The following TTC39A variants were observed in gnomAD, a reference collection of about 807,000 sequenced individuals.
TTC39A encodes the protein tetratricopeptide repeat protein 39A.
Under a neutral mutation model 82.3 loss-of-function variants are expected in TTC39A, and 46 were observed. That is an observed-to-expected ratio of 0.56 (90% CI 0.44 to 0.71). The LOEUF (loss-of-function observed/expected upper bound fraction) is 0.71, where lower values mean the gene tolerates loss of function less well. Ranked by LOEUF, TTC39A falls within the 30% of genes least tolerant of loss-of-function variation. The pLI, the probability that TTC39A is intolerant of heterozygous loss-of-function variation, is 0.00. For missense variants in TTC39A, 543 were observed against 712.9 expected, an observed-to-expected ratio of 0.76 and a Z score of 2.71; for synonymous variants, 254 against 275.2, an observed-to-expected ratio of 0.92 and a Z score of 0.76.
In TTC39A at chr1:51,294,623, C is replaced by G. The variant is rs983285673; in HGVS notation, c.1146-112G>C. The G allele has an allele frequency of 1.1e-5, 17 of 1,481,366 alleles. No homozygotes were observed. In the African/African-American group the frequency reaches 2.4e-4, roughly 20 times the overall value. The allele number at this position is 1,481,366 out of a possible 1,614,324, so 91.8% of individuals were successfully genotyped here. On this transcript the variant is annotated intron_variant, in intron 13 of 17. Transcript: ENST00000680483. The surrounding 1 kb of genome is among the most constrained non-coding windows in gnomAD (Gnocchi z 4.3). ...CCTCTCTGGGCCTCAGTTTCCCCATCTGCACAATGACAGTGTTAGACTCTA... is the reference window on the plus strand; with the variant it reads ...CCTCTCTGGGCCTCAGTTTCCCCATGTGCACAATGACAGTGTTAGACTCTA...
At chr1:51,289,910 G>T in intron 16 of TTC39A, 95 bp downstream of exon 16, 1 of 1,010,996 alleles carries the variant, frequency 9.9e-7, no homozygotes, top group South Asian at 1.7e-5. Context: ...GGGTTGGCTA[G>T]GGTCAGCCAC....
intron 9 of TTC39A, 32 bp from the exon 10 acceptor site, chr1:51,302,605 T>C (rs1463383602): frequency 3.8e-6 from 6 of 1,576,904 alleles, no homozygotes; most frequent in African/African-American, 2.7e-5. Flanking sequence ...ACACAGAACA[T>C]GTCACCACCC....
At chr1:51,331,740 T>C (rs2148315394), upstream of TTC39A, 2 of 985,440 alleles carry the variant, frequency 2.0e-6, no homozygotes, top group Non-Finnish European at 2.4e-6. Context: ...GAGTCTCATA[T>C]ACAGGCACGA....
At chr1:51,314,575 G>A (rs1645212716) in intron 2 of TTC39A, among the ~76,000 whole-genome samples, 1 of 152,168 alleles carries the variant, frequency 6.6e-6, no homozygotes. Flanking sequence ...GATCCTTGAG[G>A]GTCAAAGGAA....
At chr1:51,293,807 G>A (rs914496650) in intron 14 of TTC39A, among the ~76,000 whole-genome samples, 1 of 152,214 alleles carries the variant, frequency 6.6e-6, no homozygotes, top group Non-Finnish European at 1.5e-5. Context: ...CTCACCAGCT[G>A]TGTGACCTGG....
At chr1:51,306,443 T>A (rs1644871483) in intron 6 of TTC39A, among the ~76,000 whole-genome samples, 1 of 152,214 alleles carries the variant, frequency 6.6e-6, no homozygotes, top group South Asian at 2.1e-4. Context: ...TTGTAGGATG[T>A]TTAGCAGCAT....
rs775045724 is a variant in TTC39A at position 51,305,073 on chromosome 1, G to A, written c.654+8C>T. On this transcript the variant is annotated splice_region_variant and intron_variant, in intron 8 of 17. Coordinates refer to ENST00000680483, the MANE Select transcript of TTC39A (RefSeq NM_001297663.2). ...GCAGGTCAGGGGTGCTAGGAGGCAG[G>A]TGGTTACCTTGTTTCCTGAAAACCC... is the stretch of plus-strand genomic sequence containing the variant. 5 of 1,613,240 alleles carry A rather than the reference G, an allele frequency of 3.1e-6. No individual in the cohort carries two copies. The highest frequency in any genetic ancestry group is 1.1e-5 in the South Asian group (1 of 91,052).
intron 1 of TTC39A, among the ~76,000 whole-genome samples, chr1:51,338,206 G>T (rs1645997343): frequency 6.6e-6 from 1 of 152,156 alleles, no homozygotes; most frequent in African/African-American, 2.4e-5. Flanking sequence ...AGCCATTTCT[G>T]GGGGAGGCAG....
chr1:51,328,555 A>G (rs1394977659), intron 1 of TTC39A, among the ~76,000 whole-genome samples: 4 of 152,252 alleles, frequency 2.6e-5, no homozygotes, highest in Non-Finnish European at 5.9e-5. Context: ...CACACTGAGT[A>G]AAAGAATAAA....
chr1:51,306,003 T>G lies in TTC39A; in HGVS notation c.562A>C (p.Lys188Gln). 2 of 1,613,988 alleles carry G rather than the reference T, an allele frequency of 1.2e-6. No individual in the cohort carries two copies. Among genetic ancestry groups the G allele is most frequent in the African/African-American group, 2.7e-5 (2 of 75,042 alleles). ...ENHPHFEGGV[K>Q]LGVGAFNLTL... ...AGGTTGAAGGCCCCTACACCAAGCTTCACTCCTCCTTCAAAGTGCGGGTGG... is the reference window on the plus strand; with the variant it reads ...AGGTTGAAGGCCCCTACACCAAGCTGCACTCCTCCTTCAAAGTGCGGGTGG... The change falls in exon 7 of 18, where the codon AAG (lysine) becomes CAG (glutamine). Residue 188 changes from lysine (K) to glutamine (Q), a missense_variant. Transcript: ENST00000680483.
chr1:51,341,140 C>T (rs901393142), intron 1 of TTC39A, among the ~76,000 whole-genome samples: 4 of 152,124 alleles, frequency 2.6e-5, no homozygotes, highest in Admixed American at 2.0e-4. Flanking sequence ...CCAGCCTGGG[C>T]GACAAGAGTG....
At chr1:51,319,852 G>A (rs1031911021) in intron 2 of TTC39A, among the ~76,000 whole-genome samples, 6 of 151,740 alleles carry the variant, frequency 4.0e-5, no homozygotes, top group Non-Finnish European at 8.8e-5. Flanking sequence ...CACCATGCCC[G>A]GCTAATTTTT....
In TTC39A at chr1:51,311,106, T is replaced by G. The variant is rs762987088; in HGVS notation, c.423+148A>C. ...CTTTGAGCCCCGCCAGGGGCAGGAG[T>G]GTGAAGGATGGGACACGATTGCTAC... On this transcript the variant is annotated intron_variant, in intron 5 of 17. Coordinates refer to ENST00000680483, the MANE Select transcript of TTC39A (RefSeq NM_001297663.2). 5 of 708,246 alleles carry G rather than the reference T, an allele frequency of 7.1e-6. No individual in the cohort carries two copies. In the East Asian group the frequency reaches 8.8e-5, roughly 12 times the overall value. The allele number at this position is 708,246 out of a possible 1,614,324, so 43.9% of individuals were successfully genotyped here.
intron 13 of TTC39A, among the ~76,000 whole-genome samples, chr1:51,295,309 T>C (rs921781461): frequency 1.3e-5 from 2 of 152,288 alleles, no homozygotes; most frequent in Non-Finnish European, 2.9e-5. Flanking sequence ...CTGTAAGTGA[T>C]AAATGCCCTA....
At chr1:51,337,458 A>C (rs1292503574) in intron 1 of TTC39A, among the ~76,000 whole-genome samples, 6 of 128,044 alleles carry the variant, frequency 4.7e-5, no homozygotes, top group South Asian at 2.4e-4. Context: ...ATGGAGTCTC[A>C]CTCTGTCACC....
At chr1:51,301,334 G>A (rs1644648269) in intron 12 of TTC39A, 1 of 487,182 alleles carries the variant, frequency 2.1e-6, no homozygotes, top group Non-Finnish European at 3.6e-6. Context: ...CAGTTCTACT[G>A]GACAGAGGGA....
rs536044329 is a variant in TTC39A, at chr1:51,319,200, T to C, written c.146+2521A>G. ...AGATGTTATAGGGAAAAAAGAACATTCAGAGAATAAAGAATACCAGGAAAT... is the reference window on the plus strand; with the variant it reads ...AGATGTTATAGGGAAAAAAGAACATCCAGAGAATAAAGAATACCAGGAAAT... On this transcript the variant is annotated intron_variant, in intron 2 of 17. Coordinates refer to ENST00000680483, the MANE Select transcript of TTC39A (RefSeq NM_001297663.2). Among the ~76,000 whole-genome samples, 20 of 152,046 alleles carry C rather than the reference T, an allele frequency of 1.3e-4. No homozygotes were observed. The South Asian group carries it at 4.2e-3, about 32-fold the overall frequency.
At chr1:51,334,167 TG>T (rs1297817823), upstream of TTC39A, among the ~76,000 whole-genome samples, 1 of 124,180 alleles carries the variant, frequency 8.1e-6, no homozygotes, top group Non-Finnish European at 1.6e-5. Flanking sequence ...GAGACCAGCC[TG>T]GGCAACATGG....
chr1:51,290,651 C>T (rs754058987), intron 14 of TTC39A, 26 bp from the exon 15 acceptor site: 2 of 1,594,696 alleles, frequency 1.3e-6, no homozygotes, highest in Admixed American at 3.5e-5. Flanking sequence ...CAAGTCAGTC[C>T]TAGGTTTCTT....
Sources: gnomAD v4.1 joint callset for allele counts (sites outside exome capture counted in the v4.1 genomes callset) on GRCh38, gnomAD v4.1.1 for gene constraint, Gnocchi (gnomAD v3.1) non-coding constraint, MANE v1.5 for transcripts, NCBI Gene and HGNC (gene_info 2026-07-23, HGNC 2026-07-21) for gene names.